Variants in TNRC6A observed in about 807,000 individuals in gnomAD.
The protein encoded by TNRC6A is trinucleotide repeat containing adaptor 6A.
A neutral mutation model predicts 221.2 loss-of-function variants in TNRC6A; 44 were observed. The observed-to-expected ratio is 0.20, with a 90% CI of 0.16 to 0.26. The LOEUF (loss-of-function observed/expected upper bound fraction) is 0.26, where lower values mean the gene tolerates loss of function less well. Among genes scored for constraint, TNRC6A ranks in the 10% least tolerant of loss-of-function variants. The probability of loss-of-function intolerance (pLI) is 1.00; values close to 1 mark genes in which losing one functional copy is unlikely to be tolerated. For missense variants in TNRC6A, 2,199 were observed against 2,404.4 expected (o/e 0.91, Z 1.79); for synonymous variants, 847 against 838.5 (o/e 1.01, Z -0.18).
chr16:24,812,375 A>T (rs12597237), intron 18 of TNRC6A, among the ~76,000 whole-genome samples: 95,055 of 151,874 alleles, frequency 0.63, 30,561 homozygotes, highest in African/African-American at 0.78. Context: ...ACCTGAAGAG[A>T]GAGAACAGGG....
At chr16:24,660,424 G>T (rs758489540) in intron 2 of TNRC6A, among the ~76,000 whole-genome samples, 4 of 151,632 alleles carry the variant, frequency 2.6e-5, no homozygotes, top group Non-Finnish European at 5.9e-5. Flanking sequence ...CCTTTTTATG[G>T]CTGAGTAGTA....
chr16:24,693,847 C>T (rs2055804355), intron 2 of TNRC6A, among the ~76,000 whole-genome samples: 3 of 149,998 alleles, frequency 2.0e-5, no homozygotes, highest in Non-Finnish European at 4.4e-5. Flanking sequence ...CTGCAGTGAG[C>T]CAAGACCGCC....
At chr16:24,770,275 TAGAG>T (rs1379585086) in intron 4 of TNRC6A, among the ~76,000 whole-genome samples, 2 of 151,922 alleles carry the variant, frequency 1.3e-5, no homozygotes, top group Non-Finnish European at 2.9e-5. Flanking sequence ...TGGAAAAAGG[TAGAG>T]AGGGGCCATG....
intron 2 of TNRC6A, among the ~76,000 whole-genome samples, chr16:24,698,603 G>A (rs1219929171): frequency 6.6e-6 from 1 of 152,232 alleles, no homozygotes; most frequent in Non-Finnish European, 1.5e-5. Flanking sequence ...GGCATGGATA[G>A]AGTAAGTCAC....
chr16:24,679,156 G>A (rs1054978741), intron 2 of TNRC6A, among the ~76,000 whole-genome samples: 7 of 151,162 alleles, frequency 4.6e-5, no homozygotes, highest in African/African-American at 7.3e-5. Flanking sequence ...GCGCCACCAC[G>A]CCTAGCTAAT....
At chr16:24,750,930 T>A (rs2057123500) in intron 3 of TNRC6A, 117 bp downstream of exon 3, 2 of 985,306 alleles carry the variant, frequency 2.0e-6, no homozygotes, top group Middle Eastern at 3.7e-4. Flanking sequence ...TAATGGAGAT[T>A]CATTTTAATA....
intron 4 of TNRC6A, among the ~76,000 whole-genome samples, chr16:24,772,102 G>T (rs2057624214): frequency 6.6e-6 from 1 of 152,170 alleles, no homozygotes; most frequent in Non-Finnish European, 1.5e-5. Flanking sequence ...GTATAACATA[G>T]TTCAATTTAG....
chr16:24,615,865 C>T (rs1900316157), intron 1 of TNRC6A, among the ~76,000 whole-genome samples: 1 of 143,288 alleles, frequency 7.0e-6, no homozygotes, highest in South Asian at 2.3e-4. Context: ...CACCCACCCA[C>T]CCCCCAACAC....
intron 3 of TNRC6A, among the ~76,000 whole-genome samples, chr16:24,753,228 T>TC (rs2057175381): frequency 6.6e-6 from 1 of 152,216 alleles, no homozygotes. Flanking sequence ...CATTCCTGTC[T>TC]CACCCCATGG....
chr16:24,631,904 G>T (rs1295861926), intron 1 of TNRC6A, among the ~76,000 whole-genome samples: 1 of 151,840 alleles, frequency 6.6e-6, no homozygotes, highest in Non-Finnish European at 1.5e-5. Context: ...TGTTGCCCAG[G>T]CTGTAGTGCA....
intron 2 of TNRC6A, among the ~76,000 whole-genome samples, chr16:24,643,124 A>T (rs1223932750): frequency 0.083 from 3,007 of 36,430 alleles, 112 homozygotes; most frequent in African/African-American, 0.21. Flanking sequence ...TATATATATA[A>T]AATATATATA....
upstream of TNRC6A, among the ~76,000 whole-genome samples, chr16:24,728,191 G>C (rs1244877880): frequency 6.6e-6 from 1 of 152,170 alleles, no homozygotes; most frequent in Non-Finnish European, 1.5e-5. Context: ...GCTCACGCCT[G>C]TAATCCCAAC....
At position 24,791,514 on chromosome 16, in the gene TNRC6A, A is replaced by G. The variant is rs1475469673; in HGVS notation, c.2872A>G (p.Ile958Val). The G allele has an allele frequency of 2.0e-6, 3 of 1,534,200 alleles. No individual in the cohort carries two copies. The highest frequency in any genetic ancestry group is 2.8e-5 in the African/African-American group (2 of 72,090). Residue 958 changes from isoleucine (I) to valine (V), a missense_variant, in exon 6 of 25, where the codon ATC becomes GTC. Physicochemically the swap from Ile to Val is conservative, Grantham distance 29. Transcript: ENST00000395799. ...ACAAGACATTGTTGGATCTTGGGGA[A>G]TCCCACCAGCTACAGGCAAACCTCC... The part of the protein sequence containing the change: ...KQQDIVGSWG[I>V]PPATGKPPGT...
At chr16:24,817,237 G>A (rs2058675170) in intron 20 of TNRC6A, among the ~76,000 whole-genome samples, 1 of 152,134 alleles carries the variant, frequency 6.6e-6, no homozygotes, top group Non-Finnish European at 1.5e-5. Flanking sequence ...TCATCCCTTA[G>A]TATGGCAAAT....
Position 24,729,822 on chromosome 16 carries a change from T to C in TNRC6A, c.-20T>C. 7.1e-7 allele frequency: 1 copy of C among 1,406,064 alleles called. No individual in the cohort carries two copies. The allele number at this position is 1,406,064 out of a possible 1,614,324, so 87.1% of individuals were successfully genotyped here. ...CGAGCCTCCTTCGCCGCGCCCCACT[T>C]GCTCGTGCACTTTACACACATGAGG... On this transcript the variant is annotated 5_prime_UTR_variant, in exon 1 of 25. Transcript: ENST00000395799.
At chr16:24,804,416 G>A (rs777571961) in intron 12 of TNRC6A, 97 bp downstream of exon 12, 63 of 1,389,396 alleles carry the variant, frequency 4.5e-5, no homozygotes, top group Non-Finnish European at 5.4e-5. Context: ...ATAATATAAA[G>A]TGTTACAATC....
chr16:24,780,314 TAAAAG>T (rs2057813889), intron 5 of TNRC6A, among the ~76,000 whole-genome samples: 1 of 152,166 alleles, frequency 6.6e-6, no homozygotes, highest in Non-Finnish European at 1.5e-5. Context: ...TTGAACCACT[TAAAAG>T]TAAGTATGCA....
At chr16:24,696,909 GA>G (rs1567365351) in intron 2 of TNRC6A, among the ~76,000 whole-genome samples, 1 of 152,014 alleles carries the variant, frequency 6.6e-6, no homozygotes. Flanking sequence ...GACCGGAGCT[GA>G]AGCAGTCATT....
chr16:24,804,971 C>T (rs762560169), intron 13 of TNRC6A, 43 bp from the exon 14 acceptor site: 1 of 1,613,794 alleles, frequency 6.2e-7, no homozygotes, highest in Non-Finnish European at 8.5e-7. Context: ...GATGTTTGTC[C>T]CTAAAGAATC....
Sources: gnomAD v4.1 joint callset for allele counts (sites outside exome capture counted in the v4.1 genomes callset) on GRCh38, gnomAD v4.1.1 for gene constraint, MANE v1.5 for transcripts, NCBI Gene and HGNC (gene_info 2026-07-23, HGNC 2026-07-21) for gene names.